The following MDFIC2 variants were observed in gnomAD, a reference collection of about 807,000 sequenced individuals.
The protein encoded by MDFIC2 is myoD family inhibitor domain-containing protein 2.
chr3:70,222,481 T>A (rs1206810716), intron 2 of MDFIC2, among the ~76,000 whole-genome samples: 2 of 152,230 alleles, frequency 1.3e-5, no homozygotes, highest in Non-Finnish European at 2.9e-5. Context: ...GCACTTTGGA[T>A]AGGTTGGTTT....
intron 2 of MDFIC2, among the ~76,000 whole-genome samples, chr3:70,306,473 T>A (rs1462986442): frequency 6.6e-6 from 1 of 152,194 alleles, no homozygotes; most frequent in Non-Finnish European, 1.5e-5. Flanking sequence ...GAAAAGAAGC[T>A]ATACTTAATT....
chr3:70,227,724 C>T (rs1451647482), intron 2 of MDFIC2, among the ~76,000 whole-genome samples: 1 of 152,188 alleles, frequency 6.6e-6, no homozygotes, highest in Non-Finnish European at 1.5e-5. Context: ...AATGAATAAG[C>T]TCTGATAATT....
At chr3:70,212,373 A>C (rs1301121973) in intron 2 of MDFIC2, among the ~76,000 whole-genome samples, 2 of 151,996 alleles carry the variant, frequency 1.3e-5, no homozygotes, top group Non-Finnish European at 2.9e-5. Context: ...AACTGGAATA[A>C]CTCTGGCTAT....
chr3:70,255,069 C>A (rs145430475), intron 2 of MDFIC2, among the ~76,000 whole-genome samples: 7 of 151,970 alleles, frequency 4.6e-5, no homozygotes, highest in Non-Finnish European at 8.8e-5. Flanking sequence ...AAGAGAGAAA[C>A]GCAGGTAAAA....
intron 2 of MDFIC2, among the ~76,000 whole-genome samples, chr3:70,311,179 T>C (rs1185806702): frequency 6.6e-6 from 1 of 152,222 alleles, no homozygotes; most frequent in Non-Finnish European, 1.5e-5. Context: ...TTTTACAATA[T>C]AATAGATTCA....
rs1023091794 is a variant in MDFIC2, at chr3:70,196,520, G to A, written c.*406C>T. Among the ~76,000 whole-genome samples, 2 of 152,084 alleles carry A rather than the reference G, an allele frequency of 1.3e-5. No individual in the cohort carries two copies. The highest frequency in any genetic ancestry group is 4.8e-5 in the African/African-American group (2 of 41,418). ...TTATGCATGAGTCCATTAGAAAGAC[G>A]AGCTAATGTATGTCAATTCTAAAAG... On this transcript the variant is annotated 3_prime_UTR_variant, in exon 4 of 4. Transcript: ENST00000567252.
chr3:70,204,685 A>G (rs1169853096), intron 3 of MDFIC2: 5 of 147,958 alleles, frequency 3.4e-5, no homozygotes, highest in Non-Finnish European at 1.5e-5. Context: ...GGGGCTCTTG[A>G]GTGTCAGTTG....
intron 2 of MDFIC2, among the ~76,000 whole-genome samples, chr3:70,237,863 A>C (rs1464141579): frequency 6.6e-6 from 1 of 151,968 alleles, no homozygotes; most frequent in African/African-American, 2.4e-5. Flanking sequence ...CCCCTTAATC[A>C]CTATAGGAAG....
chr3:70,203,950 C>T (rs1701266788), intron 3 of MDFIC2, among the ~76,000 whole-genome samples: 2 of 152,062 alleles, frequency 1.3e-5, no homozygotes, highest in African/African-American at 4.8e-5. Context: ...AAAGGGACCA[C>T]ACACGATGAA....
In MDFIC2 at chr3:70,206,702, A is replaced by G. The variant is rs1394540084; in HGVS notation, c.177T>C (p.Asp59=). ...CATTGGGGTTTTCCTTGGCTGGTCC[A>G]TCTGTGATATTGAAGTCAGATACTG... is the stretch of plus-strand genomic sequence containing the variant. The part of the protein sequence containing the change: ...INSVSDFNIT[D]GPAKENPNEK... The change falls in exon 3 of 4, where the codon GAT becomes GAC. Residue 59 remains aspartate (D), a synonymous_variant. Transcript: ENST00000567252. The G allele has an allele frequency of 7.5e-6, 3 of 397,826 alleles. No homozygotes were observed. The highest frequency in any genetic ancestry group is 2.5e-4 in the South Asian group (2 of 7,854). 24.6% of individuals were successfully genotyped at this position (397,826 alleles called of 1,614,324 possible).
At chr3:70,234,639 C>CA (rs34609524) in intron 2 of MDFIC2, among the ~76,000 whole-genome samples, 3,243 of 118,732 alleles carry the variant, frequency 0.027, 116 homozygotes, top group Admixed American at 0.11. Context: ...GACCCTGGCT[C>CA]AAAAAAAAAA....
intron 2 of MDFIC2, among the ~76,000 whole-genome samples, chr3:70,267,503 C>A (rs1235534215): frequency 6.7e-6 from 1 of 150,342 alleles, no homozygotes; most frequent in Non-Finnish European, 1.5e-5. Flanking sequence ...CCTGGGCTCA[C>A]GCCCTTCTCC....
At chr3:70,257,063 A>C (rs955416352) in intron 2 of MDFIC2, among the ~76,000 whole-genome samples, 5 of 152,210 alleles carry the variant, frequency 3.3e-5, no homozygotes, top group African/African-American at 1.2e-4. Flanking sequence ...GCAGGATTAG[A>C]GCATAGACCA....
intron 2 of MDFIC2, among the ~76,000 whole-genome samples, chr3:70,272,640 G>C (rs188282185): frequency 1.2e-4 from 18 of 152,218 alleles, no homozygotes; most frequent in Admixed American, 3.3e-4. Context: ...TTGCCCAGTC[G>C]AATGGCAGGT....
chr3:70,265,195 T>A (rs544770242), intron 2 of MDFIC2, among the ~76,000 whole-genome samples: 4 of 152,026 alleles, frequency 2.6e-5, no homozygotes, highest in Non-Finnish European at 5.9e-5. Context: ...AGGGGGAGAA[T>A]GTAAAGTAGG....
chr3:70,208,196 A>G (rs935181562), intron 2 of MDFIC2, among the ~76,000 whole-genome samples: 2 of 152,104 alleles, frequency 1.3e-5, no homozygotes, highest in Non-Finnish European at 2.9e-5. Flanking sequence ...TGGTGGCACA[A>G]CTGGGACGTG....
intron 2 of MDFIC2, among the ~76,000 whole-genome samples, chr3:70,214,138 A>T (rs76183949): frequency 0.01 from 1,554 of 152,234 alleles, 15 homozygotes; most frequent in South Asian, 0.03. Context: ...ACATCCTGAT[A>T]GATTGGATAA....
intron 2 of MDFIC2, among the ~76,000 whole-genome samples, chr3:70,296,049 G>A (rs1376386088): frequency 6.6e-6 from 1 of 152,176 alleles, no homozygotes; most frequent in Non-Finnish European, 1.5e-5. Context: ...ACATCACCAG[G>A]ATTCTGAATC....
intron 2 of MDFIC2, among the ~76,000 whole-genome samples, chr3:70,234,475 C>T (rs1272152964): frequency 6.6e-6 from 1 of 151,802 alleles, no homozygotes; most frequent in African/African-American, 2.4e-5. Context: ...ATAACAAAAC[C>T]CCATCTCTAC....
Sources: gnomAD v4.1 joint callset for allele counts (sites outside exome capture counted in the v4.1 genomes callset) on GRCh38, gnomAD v4.1.1 for gene constraint, MANE v1.5 for transcripts, NCBI Gene and HGNC (gene_info 2026-07-23, HGNC 2026-07-21) for gene names.